VWA3B: variants seen among roughly 807,000 people sequenced by gnomAD.
VWA3B encodes von Willebrand factor A domain-containing protein 3B.
A neutral mutation model predicts 158.3 loss-of-function variants in VWA3B; 138 were observed. The ratio of observed to expected loss-of-function variants is 0.87; its 90% CI spans 0.76 to 1.00. The LOEUF (loss-of-function observed/expected upper bound fraction) is 1.00. Ranked by LOEUF, VWA3B falls within the 50% of genes least tolerant of loss-of-function variation. The pLI is 0.00. For missense variants in VWA3B, 1,555 were observed against 1,565.1 expected (o/e 0.99, Z 0.11); for synonymous variants, 596 against 587.3 (o/e 1.01, Z -0.21).
At chr2:98,171,655 G>T (rs1250935735) in intron 8 of VWA3B, among the ~76,000 whole-genome samples, 4 of 152,004 alleles carry the variant, frequency 2.6e-5, no homozygotes, top group African/African-American at 9.7e-5. Flanking sequence ...GTAAGCAGGG[G>T]AATGCTAAGA....
At chr2:98,244,656 T>A (rs1047589168) in intron 19 of VWA3B, among the ~76,000 whole-genome samples, 1 of 152,170 alleles carries the variant, frequency 6.6e-6, no homozygotes, top group African/African-American at 2.4e-5. Context: ...ATTTGGGACA[T>A]GTTTTGTTCT....
intron 20 of VWA3B, among the ~76,000 whole-genome samples, chr2:98,254,316 C>A (rs531708442): frequency 1.3e-5 from 2 of 152,242 alleles, no homozygotes; most frequent in East Asian, 3.9e-4. Context: ...AGAGCCCTTA[C>A]CACACTCCCA....
At chr2:98,163,408 C>G (rs1032036788) in intron 8 of VWA3B, among the ~76,000 whole-genome samples, 1 of 152,000 alleles carries the variant, frequency 6.6e-6, no homozygotes, top group African/African-American at 2.4e-5. Flanking sequence ...TGTGGTGGCC[C>G]GTGCCTGTAA....
chr2:98,330,022 T>C, the VWA3B span, among the ~76,000 whole-genome samples: 1 of 152,194 alleles, frequency 6.6e-6, no homozygotes, highest in Non-Finnish European at 1.5e-5. Context: ...TGCTGTACTG[T>C]GATCTCCGGA....
At chr2:98,179,145 G>T (rs552351188) in intron 8 of VWA3B, 1 of 463,460 alleles carries the variant, frequency 2.2e-6, no homozygotes, top group South Asian at 1.6e-5. Context: ...ATGGAGTTGG[G>T]AGATGTGCAC....
intron 11 of VWA3B, 96 bp from the exon 12 acceptor site, chr2:98,194,265 A>G: frequency 7.8e-7 from 1 of 1,286,136 alleles, no homozygotes; most frequent in Non-Finnish European, 1.1e-6. Flanking sequence ...CTGAAAATAG[A>G]GACCATCATG....
At chr2:98,213,890 A>G (rs891025342) in intron 13 of VWA3B, among the ~76,000 whole-genome samples, 4 of 151,672 alleles carry the variant, frequency 2.6e-5, no homozygotes, top group African/African-American at 9.8e-5. Flanking sequence ...ACAGATAAGC[A>G]TTAAAAAGGA....
At chr2:98,117,197 G>A (rs1288463600) in intron 3 of VWA3B, among the ~76,000 whole-genome samples, 3 of 152,156 alleles carry the variant, frequency 2.0e-5, no homozygotes, top group Non-Finnish European at 4.4e-5. Context: ...AAGAGTTTAC[G>A]GAATTCTTGC....
intron 8 of VWA3B, among the ~76,000 whole-genome samples, chr2:98,165,322 A>G (rs1284763946): frequency 6.6e-6 from 1 of 152,224 alleles, no homozygotes; most frequent in South Asian, 2.1e-4. Flanking sequence ...TAATGAGATG[A>G]TGAAGCCTAG....
At chr2:98,293,792 T>C (rs1300032072) in intron 23 of VWA3B, among the ~76,000 whole-genome samples, 1 of 152,182 alleles carries the variant, frequency 6.6e-6, no homozygotes, top group Non-Finnish European at 1.5e-5. Context: ...AACACTATTA[T>C]AGTACTTTTA....
intron 15 of VWA3B, 98 bp from the exon 16 acceptor site, chr2:98,229,952 G>A: frequency 7.5e-7 from 1 of 1,327,332 alleles, no homozygotes; most frequent in East Asian, 2.4e-5. Flanking sequence ...AAAGTTTGCA[G>A]TGTTCAACAT....
chr2:98,224,498 T>C (rs530082146), intron 14 of VWA3B, among the ~76,000 whole-genome samples: 1 of 152,136 alleles, frequency 6.6e-6, no homozygotes, highest in Non-Finnish European at 1.5e-5. Flanking sequence ...AAGTCACATA[T>C]ATATGCTGTC....
chr2:98,292,329 T>G, intron 23 of VWA3B, among the ~76,000 whole-genome samples: 1 of 152,184 alleles, frequency 6.6e-6, no homozygotes, highest in East Asian at 1.9e-4. Flanking sequence ...TATTTAAATT[T>G]AATTGAATAA....
chr2:98,172,395 C>G (rs974962389), intron 8 of VWA3B, among the ~76,000 whole-genome samples: 2 of 151,996 alleles, frequency 1.3e-5, no homozygotes, highest in African/African-American at 4.8e-5. Context: ...GCGTTCCTCC[C>G]GACATCCAGC....
rs907859358 is a variant in VWA3B at position 98,311,996 on chromosome 2, C to G, written c.3699C>G (p.Ser1233=). ...DSDGSSHGIS[S]HGSCQGTHPE... ...ACGGCTCCTCCCACGGCATCAGCTC[C>G]CATGGGTCCTGCCAGGGGACACACC... is the stretch of plus-strand genomic sequence containing the variant. The change falls in exon 27 of 28, where the codon TCC becomes TCG. Residue 1233 remains serine, a synonymous_variant. Coordinates refer to ENST00000477737, the MANE Select transcript of VWA3B (RefSeq NM_144992.5). 5.0e-6 allele frequency: 8 copies of G among 1,603,710 alleles called. No individual in the cohort carries two copies. The highest frequency in any genetic ancestry group is 1.7e-5 in the Admixed American group (1 of 58,636).
chr2:98,321,291 C>T, the VWA3B span, among the ~76,000 whole-genome samples: 2 of 152,148 alleles, frequency 1.3e-5, no homozygotes, highest in Non-Finnish European at 2.9e-5. Flanking sequence ...TAGGGCAGTG[C>T]AGAAGGAAAA....
intron 12 of VWA3B, among the ~76,000 whole-genome samples, chr2:98,204,471 G>T (rs1193187960): frequency 2.0e-5 from 3 of 152,188 alleles, no homozygotes; most frequent in Non-Finnish European, 4.4e-5. Flanking sequence ...CTGAATGAAG[G>T]TTGCATTTGC....
At position 98,312,242 on chromosome 2, in the gene VWA3B, A is replaced by G. The variant is rs949989846; in HGVS notation, c.3778A>G (p.Ser1260Gly). ...CCCCGCGGCCGGGCGTCTAGGACTC[A>G]GCAGCCACGCCATCATTGCCACACC... ...HFPAAGRLGL[S>G]SHAIIATPPP... is the part of the protein sequence containing the mutation. The change falls in exon 28 of 28, where the codon AGC becomes GGC. Residue 1260 changes from serine to glycine, a missense_variant. Coordinates refer to ENST00000477737, the MANE Select transcript of VWA3B (RefSeq NM_144992.5). 9 of 1,614,036 alleles carry G rather than the reference A, an allele frequency of 5.6e-6. No individual in the cohort carries two copies. Among genetic ancestry groups the G allele is most frequent in the Admixed American group, 5.0e-5 (3 of 59,994 alleles).
At chr2:98,131,056 T>C (rs1675831708) in intron 6 of VWA3B, among the ~76,000 whole-genome samples, 2 of 152,174 alleles carry the variant, frequency 1.3e-5, no homozygotes, top group Admixed American at 1.3e-4. Flanking sequence ...ACCTACTCCT[T>C]CTATCTCACT....
Sources: gnomAD v4.1 joint callset for allele counts (sites outside exome capture counted in the v4.1 genomes callset) on GRCh38, gnomAD v4.1.1 for gene constraint, MANE v1.5 for transcripts, NCBI Gene and HGNC (gene_info 2026-07-23, HGNC 2026-07-21) for gene names.